EHMT1: variants seen among roughly 807,000 people sequenced by gnomAD.
EHMT1 encodes the protein histone-lysine N-methyltransferase EHMT1.
EHMT1 carries 15 observed loss-of-function variants against 147.2 expected under a neutral mutation model. The ratio of observed to expected loss-of-function variants is 0.10; its 90% CI spans 0.07 to 0.16. The LOEUF is 0.16. Ranked by LOEUF, EHMT1 falls within the 10% of genes least tolerant of loss-of-function variation. The pLI, the probability that EHMT1 is intolerant of heterozygous loss-of-function variation, is 1.00. For synonymous variants in EHMT1, 795 were observed against 709.6 expected, an observed-to-expected ratio of 1.12 and a Z score of -1.91; for missense variants, 1,587 against 1,772.4, an observed-to-expected ratio of 0.90 and a Z score of 1.88.
intron 25 of EHMT1, among the ~76,000 whole-genome samples, chr9:137,827,581 T>C (rs1181184205): frequency 1.3e-5 from 2 of 152,186 alleles, no homozygotes; most frequent in South Asian, 2.1e-4. Flanking sequence ...AGCCCTGGTG[T>C]TGCCATCTGT....
At chr9:137,625,245 C>G (rs1843182342) in intron 1 of EHMT1, among the ~76,000 whole-genome samples, 1 of 152,218 alleles carries the variant, frequency 6.6e-6, no homozygotes, top group Non-Finnish European at 1.5e-5. Flanking sequence ...AGGATCGTTG[C>G]ATCCGTGATT....
rs1445870595 is a variant in EHMT1 at position 137,717,174 on chromosome 9, G to A, written c.634G>A (p.Val212Met). Residue 212 changes from valine to methionine, a missense_variant, in exon 3 of 27, where the codon GTG becomes ATG. Around this residue, in one of 7 missense-constraint regions of EHMT1, gnomAD observed 810 missense variants for 673.0 expected, o/e 1.20. Transcript: ENST00000460843. ...RARKTMPKSV[V>M]GLHAASKDPR... ...ACGCAAGACCATGCCGAAGTCCGTC[G>A]TGGGCCTGGTAATTTTGTGTCTTCT... 3.1e-6 allele frequency: 5 copies of A among 1,611,926 alleles called. No individual in the cohort carries two copies. The highest frequency in any genetic ancestry group is 4.2e-6 in the Non-Finnish European group (5 of 1,179,974).
intron 1 of EHMT1, among the ~76,000 whole-genome samples, chr9:137,628,134 C>A (rs1379935467): frequency 1.3e-5 from 2 of 152,180 alleles, no homozygotes; most frequent in African/African-American, 2.4e-5. Flanking sequence ...CCCGCATTCC[C>A]CTTTGTAGTT....
chr9:137,627,258 A>AT (rs1196958635), intron 1 of EHMT1, among the ~76,000 whole-genome samples: 1,271 of 113,814 alleles, frequency 0.011, 19 homozygotes, highest in East Asian at 0.061. Context: ...ATGCCTGGCC[A>AT]TTTTTTTTTT....
At chr9:137,729,106 A>G (rs766026187) in intron 4 of EHMT1, among the ~76,000 whole-genome samples, 4 of 151,952 alleles carry the variant, frequency 2.6e-5, no homozygotes, top group African/African-American at 4.8e-5. Context: ...TGGGCTTTCA[A>G]ACCTCCTCAG....
chr9:137,799,818 C>T (rs866371043), intron 17 of EHMT1, among the ~76,000 whole-genome samples: 21 of 152,358 alleles, frequency 1.4e-4, no homozygotes, highest in Middle Eastern at 3.4e-3. Flanking sequence ...CCCATACTCT[C>T]GCCTTTGCCC....
intron 9 of EHMT1, among the ~76,000 whole-genome samples, chr9:137,760,963 C>T (rs1355348186): frequency 6.6e-6 from 1 of 152,172 alleles, no homozygotes; most frequent in East Asian, 1.9e-4. Context: ...GCTGAGATCG[C>T]ACCACTGCAC....
chr9:137,727,765 C>T (rs1349979931), intron 3 of EHMT1, among the ~76,000 whole-genome samples: 2 of 152,246 alleles, frequency 1.3e-5, no homozygotes, highest in African/African-American at 4.8e-5. Flanking sequence ...GTTGGTATCA[C>T]AGCCTTGCCC....
chr9:137,678,198 G>C (rs1941574834), intron 1 of EHMT1, among the ~76,000 whole-genome samples: 3 of 152,114 alleles, frequency 2.0e-5, no homozygotes, highest in African/African-American at 7.2e-5. Context: ...GTTTACTGTT[G>C]GTGGTAAGAT....
intron 1 of EHMT1, among the ~76,000 whole-genome samples, chr9:137,682,164 G>A (rs780893933): frequency 1.6e-4 from 25 of 152,024 alleles, no homozygotes; most frequent in Non-Finnish European, 2.8e-4. Flanking sequence ...TCGTCAGGAT[G>A]GTCTCAATCT....
chr9:137,834,781 A>G lies in EHMT1; in HGVS notation c.3725A>G (p.Tyr1242Cys), dbSNP rs770996960. 6 of 1,613,266 alleles carry G rather than the reference A, an allele frequency of 3.7e-6. No homozygotes were observed. Among genetic ancestry groups the G allele is most frequent in the Non-Finnish European group, 5.1e-6 (6 of 1,179,718 alleles). The stretch of plus-strand genomic sequence containing the variant: ...TTCTGTTCCCTCCCCAGGTTTGACT[A>G]TGGAGAGCGCTTCTGGGACATCAAA... ...IEAGEQLGFD[Y>C]GERFWDIKGK... Residue 1242 changes from tyrosine (Y) to cysteine (C), a missense_variant, in exon 27 of 27, where the codon TAT becomes TGT. Physicochemically the swap from Tyr to Cys is radical, Grantham distance 194. Transcript: ENST00000460843.
intron 16 of EHMT1, among the ~76,000 whole-genome samples, chr9:137,793,277 A>G (rs1483239589): frequency 3.3e-5 from 5 of 152,234 alleles, no homozygotes; most frequent in Admixed American, 6.5e-5. Context: ...GAAATGGGCA[A>G]AGAAGGGGCT....
intron 1 of EHMT1, among the ~76,000 whole-genome samples, chr9:137,670,449 C>T (rs930281308): frequency 1.3e-5 from 2 of 152,156 alleles, no homozygotes; most frequent in Non-Finnish European, 2.9e-5. Context: ...CCCCTCCCCC[C>T]GGTGCTGGGT....
intron 1 of EHMT1, among the ~76,000 whole-genome samples, chr9:137,697,615 G>A (rs566860209): frequency 6.6e-6 from 1 of 152,250 alleles, no homozygotes; most frequent in Non-Finnish European, 1.5e-5. Flanking sequence ...TTTTTCCTTT[G>A]GATCATTTAC....
At chr9:137,801,033 A>G in intron 18 of EHMT1, 49 bp downstream of exon 18, 1 of 1,508,844 alleles carries the variant, frequency 6.6e-7, no homozygotes, top group Non-Finnish European at 9.2e-7. Flanking sequence ...AGGGGTGGGG[A>G]CCTCCTCCCC....
chr9:137,734,282 A>G (rs76057094), intron 4 of EHMT1, among the ~76,000 whole-genome samples: 25 of 152,374 alleles, frequency 1.6e-4, no homozygotes, highest in African/African-American at 5.3e-4. Context: ...AAATACCAAT[A>G]AAGAGCTAGA....
intron 25 of EHMT1, among the ~76,000 whole-genome samples, chr9:137,821,002 C>T (rs1266587108): frequency 1.3e-5 from 2 of 152,200 alleles, no homozygotes; most frequent in East Asian, 1.9e-4. Context: ...CTCAGCCTCC[C>T]GAGTAGCTGG....
rs368995503 is a variant in EHMT1, at chr9:137,744,060, G to C, written c.1140G>C (p.Glu380Asp). ...CAGAGGACAGCAGGACTTCCAAGGAGAGCATGTCGGAGGCTGATCGCGCCC... is the reference window on the plus strand; with the variant it reads ...CAGAGGACAGCAGGACTTCCAAGGACAGCATGTCGGAGGCTGATCGCGCCC... ...FPTEDSRTSK[E>D]SMSEADRAQK... Residue 380 changes from glutamate to aspartate, a missense_variant, in exon 6 of 27, where the codon GAG (glutamate) becomes GAC (aspartate). Around this residue, in one of 7 missense-constraint regions of EHMT1, gnomAD observed 810 missense variants for 673.0 expected, o/e 1.20. Coordinates refer to ENST00000460843, the MANE Select transcript of EHMT1 (RefSeq NM_024757.5). The C allele has an allele frequency of 8.1e-5, 130 of 1,614,042 alleles. No individual in the cohort carries two copies. The Middle Eastern group carries it at 8.2e-4, about 10-fold the overall frequency.
Position 137,813,374 on chromosome 9 carries a change from T to C in EHMT1, c.3036-12T>C. On this transcript the variant is annotated splice_polypyrimidine_tract_variant and intron_variant, in intron 20 of 26. Coordinates refer to ENST00000460843, the MANE Select transcript of EHMT1 (RefSeq NM_024757.5). The surrounding 1 kb of genome is among the most constrained non-coding windows in gnomAD (Gnocchi z 4.9). Reference sequence around the variant, plus strand: ...GTCAGCCACCAGGTGACACCTGTCCTTTCCATGGCAGGGACATCGCTCGAG... The same window carrying C: ...GTCAGCCACCAGGTGACACCTGTCCCTTCCATGGCAGGGACATCGCTCGAG... 6.2e-7 allele frequency: 1 copy of C among 1,608,460 alleles called. No homozygotes were observed. The highest frequency in any genetic ancestry group is 1.1e-5 in the South Asian group (1 of 90,278).
Sources: allele counts gnomAD v4.1 joint callset (sites outside exome capture counted in the v4.1 genomes callset), GRCh38; gene constraint gnomAD v4.1.1; regional missense constraint gnomAD v4.1.1; non-coding constraint Gnocchi (gnomAD v3.1); transcripts MANE v1.5; gene names NCBI Gene and HGNC (gene_info 2026-07-23, HGNC 2026-07-21).